ZNF563: variants seen among roughly 807,000 people sequenced by gnomAD.
ZNF563 encodes the protein zinc finger protein 563.
Under a neutral mutation model 48.5 loss-of-function variants are expected in ZNF563, and 39 were observed. The ratio of observed to expected loss-of-function variants is 0.80; its 90% CI spans 0.62 to 1.05. The LOEUF (loss-of-function observed/expected upper bound fraction) is 1.05, where lower values mean the gene tolerates loss of function less well. Ranked by LOEUF, ZNF563 falls within the 50% of genes least tolerant of loss-of-function variation. The probability of loss-of-function intolerance (pLI) is 0.00; values close to 1 mark genes in which losing one functional copy is unlikely to be tolerated. For synonymous variants in ZNF563, 168 were observed against 187.9 expected (o/e 0.89, Z 0.87); for missense variants, 538 against 597.0 (o/e 0.90, Z 1.03).
chr19:12,344,218 C>T, the ZNF563 span, among the ~76,000 whole-genome samples: 24 of 151,948 alleles, frequency 1.6e-4, no homozygotes, highest in African/African-American at 5.6e-4. Context: ...CATGGCAAAA[C>T]CCTGTCTCTA....
chr19:12,321,439 T>C (rs1968621936), intron 2 of ZNF563, 107 bp from the exon 3 acceptor site: 3 of 685,186 alleles, frequency 4.4e-6, no homozygotes, highest in Non-Finnish European at 6.6e-6. Flanking sequence ...CAAACTACAG[T>C]TAATTCTGTA....
At chr19:12,320,476 G>C (rs1017399593) in intron 3 of ZNF563, among the ~76,000 whole-genome samples, 3 of 151,872 alleles carry the variant, frequency 2.0e-5, no homozygotes, top group Non-Finnish European at 4.4e-5. Flanking sequence ...TGAGTAGCTG[G>C]AACCATAGGT....
At chr19:12,321,158 A>G (rs768058042) in intron 3 of ZNF563, 114 bp downstream of exon 3, 1 of 778,980 alleles carries the variant, frequency 1.3e-6, no homozygotes, top group Non-Finnish European at 2.0e-6. Flanking sequence ...AGTTAATTTA[A>G]AAAATTAAAA....
At position 12,319,259 on chromosome 19, in the gene ZNF563, T is replaced by C. The variant is rs761273437; in HGVS notation, c.766A>G (p.Lys256Glu). ...MHTGEKPYEC[K>E]QCSKALPDSS... ...TCAGGCAAGGCTTTAGAACACTGCT[T>C]ACATTCATACGGTTTCTCCCCAGTG... The change falls in exon 4 of 4, where the codon AAG becomes GAG. Residue 256 changes from lysine (K) to glutamate (E), a missense_variant. Coordinates refer to ENST00000293725, the MANE Select transcript of ZNF563 (RefSeq NM_145276.3). 5 of 1,614,116 alleles carry C rather than the reference T, an allele frequency of 3.1e-6. No homozygotes were observed. The South Asian group carries it at 5.5e-5, about 18-fold the overall frequency.
chr19:12,339,996 G>A, the ZNF563 span, among the ~76,000 whole-genome samples: 1 of 152,120 alleles, frequency 6.6e-6, no homozygotes, highest in Non-Finnish European at 1.5e-5. Flanking sequence ...GAGAAATGTT[G>A]GAGACCAGAA....
chr19:12,321,633 C>T (rs571561470), intron 2 of ZNF563, among the ~76,000 whole-genome samples: 21 of 152,276 alleles, frequency 1.4e-4, no homozygotes, highest in South Asian at 4.1e-4. Flanking sequence ...TTATTGGAGA[C>T]GGGGTTTCAC....
At chr19:12,336,289 T>G (rs1969020239), upstream of ZNF563, among the ~76,000 whole-genome samples, 1 of 151,826 alleles carries the variant, frequency 6.6e-6, no homozygotes, top group African/African-American at 2.4e-5. Flanking sequence ...GGGGAGATCT[T>G]GGTTCCTCAA....
intron 1 of ZNF563, among the ~76,000 whole-genome samples, chr19:12,326,412 G>C (rs1053131352): frequency 2.6e-5 from 4 of 152,138 alleles, no homozygotes; most frequent in African/African-American, 9.7e-5. Flanking sequence ...GGGAGGCCGA[G>C]GGGAGCGGAT....
At chr19:12,332,360 T>C (rs1193635230) in intron 1 of ZNF563, among the ~76,000 whole-genome samples, 3 of 146,678 alleles carry the variant, frequency 2.0e-5, no homozygotes, top group African/African-American at 7.9e-5. Flanking sequence ...TTTTTTTTTT[T>C]TTTTGAGACG....
Position 12,318,895 on chromosome 19 carries a change from C to T in ZNF563, c.1130G>A (p.Ser377Asn). Reference protein sequence around the residue: ...CKQCGKTLSHSSSFRRHMIMH... With the variant: ...CKQCGKTLSHNSSFRRHMIMH... ...TATCATGTGTCTTCGAAAGCTTGAGCTATGAGATAACGTTTTCCCACACTG... is the reference window on the plus strand; with the variant it reads ...TATCATGTGTCTTCGAAAGCTTGAGTTATGAGATAACGTTTTCCCACACTG... The change falls in exon 4 of 4, where the codon AGC (serine) becomes AAC (asparagine). Residue 377 changes from serine to asparagine, a missense_variant. By Grantham distance (46) the Ser-to-Asn change is conservative. Coordinates refer to ENST00000293725, the MANE Select transcript of ZNF563 (RefSeq NM_145276.3). 6.2e-7 allele frequency: 1 copy of T among 1,614,160 alleles called. No homozygotes were observed. The highest frequency in any genetic ancestry group is 8.5e-7 in the Non-Finnish European group (1 of 1,180,036).
At chr19:12,333,778 G>A (rs1475303591), upstream of ZNF563, 1 of 473,580 alleles carries the variant, frequency 2.1e-6, no homozygotes, top group Non-Finnish European at 3.8e-6. Context: ...CCGCCCCCTG[G>A]GCACTGAGTG....
Position 12,333,357 on chromosome 19 carries a change from G to A in ZNF563, c.3+123C>T, listed in dbSNP as rs1360931235. ...GGGGACCGAGGGTCGAGCTGCGCCA[G>A]GGGGACTCGGGTCCCAGACCCCGGA... On this transcript the variant is annotated intron_variant, in intron 1 of 3. Transcript: ENST00000293725. The A allele has an allele frequency of 7.4e-6, 10 of 1,345,934 alleles. No homozygotes were observed. The East Asian group carries it at 2.5e-4, about 34-fold the overall frequency. 83.4% of individuals were successfully genotyped at this position (1,345,934 alleles called of 1,614,324 possible). A position where few individuals can be genotyped will look rare whatever the true frequency, so the allele number is the denominator to read the frequency against.
upstream of ZNF563, among the ~76,000 whole-genome samples, chr19:12,336,935 C>G (rs577695336): frequency 6.6e-6 from 1 of 152,336 alleles, no homozygotes; most frequent in Non-Finnish European, 1.5e-5. Context: ...TTGAATTCAC[C>G]TGTGGTTCTC....
At chr19:12,339,041 T>C in the ZNF563 span, among the ~76,000 whole-genome samples, 1 of 152,162 alleles carries the variant, frequency 6.6e-6, no homozygotes, top group Non-Finnish European at 1.5e-5. Context: ...TTTCCTCCAG[T>C]TTGGCAGTGG....
At chr19:12,321,069 G>A (rs906713653) in intron 3 of ZNF563, among the ~76,000 whole-genome samples, 2 of 151,900 alleles carry the variant, frequency 1.3e-5, no homozygotes, top group Admixed American at 1.3e-4. Context: ...GAACCTGGGA[G>A]GTCGAGTCTT....
chr19:12,342,950 C>T, the ZNF563 span, among the ~76,000 whole-genome samples: 1 of 151,634 alleles, frequency 6.6e-6, no homozygotes, highest in Admixed American at 6.6e-5. Context: ...GTAATCCCAG[C>T]ACTTTGGGAG....
chr19:12,337,772 G>T (rs79053381), upstream of ZNF563, among the ~76,000 whole-genome samples: 11 of 152,258 alleles, frequency 7.2e-5, no homozygotes, highest in East Asian at 1.9e-3. Flanking sequence ...CCCTGAGAAG[G>T]TGACATTTAA....
At chr19:12,322,461 T>C (rs973079653) in intron 2 of ZNF563, 124 bp downstream of exon 2, 1 of 1,084,258 alleles carries the variant, frequency 9.2e-7, no homozygotes, top group Admixed American at 3.0e-5. Context: ...CTGTCACCTC[T>C]GAATTCTGTG....
chr19:12,346,586 G>C, the ZNF563 span: 3 of 152,230 alleles, frequency 2.0e-5, no homozygotes, highest in East Asian at 1.9e-4. Context: ...TACACTCCTA[G>C]GGATACATAT....
Sources: gnomAD v4.1 joint callset for allele counts (sites outside exome capture counted in the v4.1 genomes callset) on GRCh38, gnomAD v4.1.1 for gene constraint, MANE v1.5 for transcripts, NCBI Gene and HGNC (gene_info 2026-07-23, HGNC 2026-07-21) for gene names.